The following PARP1 variants were observed in gnomAD, a reference collection of about 807,000 sequenced individuals.
The protein encoded by PARP1 is poly [ADP-ribose] polymerase 1.
In PARP1, 44 loss-of-function variants were observed where a neutral mutation model predicts 118.7. That is an observed-to-expected ratio of 0.37 (90% CI 0.29 to 0.48). The LOEUF is 0.48. Ranked by LOEUF, PARP1 falls within the 20% of genes least tolerant of loss-of-function variation. PARP1 has a pLI of 0.99. For synonymous variants in PARP1, 492 were observed against 483.2 expected (o/e 1.02, Z -0.24); for missense variants, 1,100 against 1,272.4 (o/e 0.86, Z 2.06).
intron 1 of PARP1, 60 bp downstream of exon 1, chr1:226,407,750 C>T (rs1288701072): frequency 3.9e-5 from 60 of 1,531,078 alleles, no homozygotes; most frequent in Non-Finnish European, 5.0e-5. Flanking sequence ...CCAGCCTTCC[C>T]GGACACAGTT....
chr1:226,377,007 T>A (rs148992778), intron 13 of PARP1, 101 bp downstream of exon 13: 35 of 1,012,546 alleles, frequency 3.5e-5, no homozygotes, highest in African/African-American at 2.5e-4. Flanking sequence ...TTTGGTAGTA[T>A]GTTTACTATG....
rs187027551 is a variant in PARP1, at chr1:226,390,056, C to T, written c.617+354G>A. ...TTCCGAATAGTGATCAACCCAGGCA[C>T]AACAAATACCCAGGGAAGGAAGGTG... On this transcript the variant is annotated intron_variant, in intron 4 of 22. Coordinates refer to ENST00000366794, the MANE Select transcript of PARP1 (RefSeq NM_001618.4). Among the ~76,000 whole-genome samples, 3 of 152,294 alleles carry T rather than the reference C, an allele frequency of 2.0e-5. No individual in the cohort carries two copies. In the East Asian group the frequency reaches 5.8e-4, roughly 29 times the overall value.
Position 226,365,110 on chromosome 1 carries a change from G to C in PARP1, c.2550C>G (p.Pro850=), listed in dbSNP as rs373195352. The C allele has an allele frequency of 6.2e-7, 1 of 1,614,230 alleles. No homozygotes were observed. The highest frequency in any genetic ancestry group is 8.5e-7 in the Non-Finnish European group (1 of 1,180,048). ...ATCTTCGGTTATGAAGCTGCTTAAA[G>C]GGCTTGTAACGCTGGCATTCGCCTT... ...EREGECQRYK[P]FKQLHNRRLL... Residue 850 remains proline (P), a synonymous_variant, in exon 19 of 23, where the codon CCC becomes CCG. Transcript: ENST00000366794.
At chr1:226,379,074 G>A (rs2102734619) in intron 12 of PARP1, 68 bp downstream of exon 12, 1 of 1,593,758 alleles carries the variant, frequency 6.3e-7, no homozygotes, top group Non-Finnish European at 8.6e-7. Flanking sequence ...AAGGCTGATG[G>A]CACAGCACTA....
At chr1:226,403,411 C>T (rs557142702) in intron 1 of PARP1, among the ~76,000 whole-genome samples, 5 of 152,354 alleles carry the variant, frequency 3.3e-5, no homozygotes, top group African/African-American at 1.2e-4. Flanking sequence ...AACTTCTGAC[C>T]TCGTGACCCG....
rs1272857448 is a variant in PARP1 at position 226,392,192 on chromosome 1, A to G, written c.402+7T>C. 1 of 1,578,780 alleles carries G rather than the reference A, an allele frequency of 6.3e-7. No individual in the cohort carries two copies. The highest frequency in any genetic ancestry group is 8.7e-7 in the Non-Finnish European group (1 of 1,147,748). On this transcript the variant is annotated splice_region_variant and intron_variant, in intron 3 of 22. Transcript: ENST00000366794. ...AAGTTCAGGGATCTGGGCCCCCAAGATCTTACCTTTTCTATCTTCTCCATA... is the reference window on the plus strand; with the variant it reads ...AAGTTCAGGGATCTGGGCCCCCAAGGTCTTACCTTTTCTATCTTCTCCATA...
intron 20 of PARP1, 108 bp downstream of exon 20, chr1:226,363,835 T>G: frequency 8.4e-7 from 1 of 1,190,278 alleles, no homozygotes; most frequent in South Asian, 1.2e-5. Context: ...GTGCGTCCAG[T>G]AACTGCAGTG....
intron 7 of PARP1, among the ~76,000 whole-genome samples, 153 bp downstream of exon 7, chr1:226,385,344 AAACATGT>A (rs1664694093): frequency 6.6e-6 from 1 of 152,238 alleles, no homozygotes; most frequent in African/African-American, 2.4e-5. Context: ...CGTAGTTTGC[AAACATGT>A]AATTTTATAT....
chr1:226,380,073 G>A lies in PARP1; in HGVS notation c.1392C>T (p.Ala464=), dbSNP rs760300510. The A allele has an allele frequency of 6.2e-7, 1 of 1,614,236 alleles. No homozygotes were observed. The highest frequency in any genetic ancestry group is 1.3e-5 in the African/African-American group (1 of 75,058). ...VSEDFLQDVS[A]STKSLQELFL... ...ACAACTCCTGAAGGCTCTTGGTGGA[G>A]GCGGAGACGTCCTGGAGGAAGTCCT... The change falls in exon 10 of 23, where the codon GCC becomes GCT. Residue 464 remains alanine, a synonymous_variant. Transcript: ENST00000366794.
At position 226,363,116 on chromosome 1, in the gene PARP1, C is replaced by T. The variant is rs1396916105; in HGVS notation, c.2831G>A (p.Gly944Asp). ...CACTTTACCTTTGACACTGTGCTTGCCCTTGGGTAACTTGCTGATATGTGA... is the reference window on the plus strand; with the variant it reads ...CACTTTACCTTTGACACTGTGCTTGTCCTTGGGTAACTTGCTGATATGTGA... ...HASHISKLPK[G>D]KHSVKGLGKT... is the part of the protein sequence containing the mutation. Residue 944 changes from glycine (G) to aspartate (D), a missense_variant, in exon 21 of 23, where the codon GGC (glycine) becomes GAC (aspartate). By Grantham distance (94) the Gly-to-Asp change is moderately conservative. This residue lies in a region of PARP1 where 152 missense variants were observed against 240.6 expected (regional missense o/e 0.63). Transcript: ENST00000366794. The T allele has an allele frequency of 1.2e-6, 2 of 1,613,610 alleles. No individual in the cohort carries two copies. The highest frequency in any genetic ancestry group is 1.7e-6 in the Non-Finnish European group (2 of 1,179,484).
At chr1:226,389,234 G>C (rs910761014) in intron 4 of PARP1, among the ~76,000 whole-genome samples, 1 of 152,098 alleles carries the variant, frequency 6.6e-6, no homozygotes, top group Admixed American at 6.5e-5. Context: ...AGGGAAAGAG[G>C]CTGCTCACAG....
rs867309015 is a variant in PARP1, at chr1:226,367,776, A to T, written c.2278-168T>A. 3.3e-5 allele frequency among the ~76,000 whole-genome samples: 5 copies of T among 152,336 alleles called. No individual in the cohort carries two copies. In the Middle Eastern group the frequency reaches 0.01, roughly 311 times the overall value. On this transcript the variant is annotated intron_variant, in intron 16 of 22. Coordinates refer to ENST00000366794, the MANE Select transcript of PARP1 (RefSeq NM_001618.4). ...CCTGCTGCACATATTGAGAGCTCAT[A>T]AGGACTTTCTGGAATGTTAACAAGG...
At chr1:226,403,951 G>A (rs994951706) in intron 1 of PARP1, among the ~76,000 whole-genome samples, 4 of 152,318 alleles carry the variant, frequency 2.6e-5, no homozygotes, top group African/African-American at 7.2e-5. Context: ...TCTCTCCACT[G>A]TGAGTGGCCT....
chr1:226,384,264 GGAGAGGGGTATGTGAGAAGGAAGAAAA>G lies in PARP1; in HGVS notation c.1012-1108_1012-1082del, dbSNP rs879698481. ...ATGAGCAAGACTGGCGGTGGGGTGG[GGAGAGGGGTATGTGAGAAGGAAGAAAA>G]GGGTGGCAGAAAAAGGCTGCAGAAG... is the stretch of plus-strand genomic sequence containing the variant. On this transcript the variant is annotated intron_variant, in intron 7 of 22. Transcript: ENST00000366794. Among the ~76,000 whole-genome samples, 26 of 152,340 alleles carry G rather than the reference GGAGAGGGGTATGTGAGAAGGAAGAAAA, an allele frequency of 1.7e-4. No individual in the cohort carries two copies. In the East Asian group the frequency reaches 2.7e-3, roughly 16 times the overall value.
chr1:226,401,479 A>T (rs1054973086), intron 2 of PARP1, among the ~76,000 whole-genome samples: 2 of 152,240 alleles, frequency 1.3e-5, no homozygotes, highest in African/African-American at 4.8e-5. Context: ...GGTAACTTTT[A>T]GGTCATCAGA....
Position 226,360,932 on chromosome 1 carries a change from C to T in PARP1, c.*528G>A. 1 of 229,718 alleles carries T rather than the reference C, an allele frequency of 4.4e-6. No individual in the cohort carries two copies. The highest frequency in any genetic ancestry group is 8.6e-6 in the Non-Finnish European group (1 of 115,722). 14.2% of individuals were successfully genotyped at this position (229,718 alleles called of 1,614,324 possible). On this transcript the variant is annotated 3_prime_UTR_variant, in exon 23 of 23. Transcript: ENST00000366794. ...TCCTTCCTTTGGTCTTCCCACACCCCTCACCACAAGAGGCAAACAAAAAAA... is the reference window on the plus strand; with the variant it reads ...TCCTTCCTTTGGTCTTCCCACACCCTTCACCACAAGAGGCAAACAAAAAAA...
At chr1:226,375,813 A>G (rs1050661836) in intron 13 of PARP1, among the ~76,000 whole-genome samples, 1 of 152,212 alleles carries the variant, frequency 6.6e-6, no homozygotes, top group African/African-American at 2.4e-5. Context: ...GCTCTAGAAG[A>G]CATAAGGAAA....
Position 226,377,219 on chromosome 1 carries a change from G to A in PARP1, c.1830C>T (p.Ala610=), listed in dbSNP as rs1177787783. Residue 610 remains alanine (A), a synonymous_variant, in exon 13 of 23, where the codon GCC becomes GCT. Coordinates refer to ENST00000366794, the MANE Select transcript of PARP1 (RefSeq NM_001618.4). ...KLEQMPSKED[A]IEHFMKLYEE... The stretch of plus-strand genomic sequence containing the variant: ...CATATAATTTCATGAAGTGCTCAAT[G>A]GCATCCTCCTTGGACGGCATCTGTT... 3 of 1,613,884 alleles carry A rather than the reference G, an allele frequency of 1.9e-6. No individual in the cohort carries two copies. In the African/African-American group the frequency reaches 4.0e-5, roughly 22 times the overall value.
Position 226,374,301 on chromosome 1 carries a change from G to T in PARP1, c.1995C>A (p.Leu665=), listed in dbSNP as rs1288848368. The T allele has an allele frequency of 2.5e-5, 40 of 1,614,048 alleles. No individual in the cohort carries two copies. Among genetic ancestry groups the T allele is most frequent in the Non-Finnish European group, 3.3e-5 (39 of 1,180,038 alleles). ...LTVNPGTKSK[L]PKPVQDLIKM... ...TGATGAGGTCCTGAACTGGCTTGGG[G>T]AGCTTGGACTTGGTGCCAGGATTTA... Residue 665 remains leucine, a synonymous_variant, in exon 14 of 23, where the codon CTC becomes CTA. Transcript: ENST00000366794.
Sources: gnomAD v4.1 joint callset for allele counts (sites outside exome capture counted in the v4.1 genomes callset) on GRCh38, gnomAD v4.1.1 for gene constraint, gnomAD v4.1.1 regional missense constraint, MANE v1.5 for transcripts, NCBI Gene and HGNC (gene_info 2026-07-23, HGNC 2026-07-21) for gene names.